Variants in EML6 observed in about 807,000 individuals in gnomAD.
EML6 encodes the protein EMAP like 6, also known as echinoderm microtubule-associated protein-like 6.
In EML6, 154 loss-of-function variants were observed where a neutral mutation model predicts 240.1. That is an observed-to-expected ratio of 0.64 (90% CI 0.56 to 0.73). The LOEUF is 0.73. Ranked by LOEUF, EML6 falls within the 30% of genes least tolerant of loss-of-function variation. The probability of loss-of-function intolerance (pLI) is 0.00; values close to 1 mark genes in which losing one functional copy is unlikely to be tolerated. For missense variants in EML6, 2,964 were observed against 2,474.6 expected, an observed-to-expected ratio of 1.20 and a Z score of -4.20; for synonymous variants, 1,148 against 899.0, an observed-to-expected ratio of 1.28 and a Z score of -4.95.
chr2:54,764,944 T>A (rs1269124687), intron 2 of EML6, among the ~76,000 whole-genome samples: 2 of 152,230 alleles, frequency 1.3e-5, no homozygotes, highest in African/African-American at 2.4e-5. Context: ...GGCATTTGAT[T>A]AGTGGGAGAT....
At position 54,797,164 on chromosome 2, in the gene EML6, C is replaced by CAAAAAAAAAAAAAAAAAAAAA. The variant is rs773498648; in HGVS notation, c.198-16063_198-16043dup. Among the ~76,000 whole-genome samples the CAAAAAAAAAAAAAAAAAAAAA allele has an allele frequency of 4.3e-4, 19 of 43,820 alleles. 2 individuals are homozygous for CAAAAAAAAAAAAAAAAAAAAA. Among genetic ancestry groups the CAAAAAAAAAAAAAAAAAAAAA allele is most frequent in the South Asian group, 2.3e-3 (2 of 876 alleles). 28.7% of individuals were successfully genotyped at this position (43,820 alleles called of 152,430 possible). On this transcript the variant is annotated intron_variant, in intron 2 of 41. Transcript: ENST00000356458. ...TGGGTGACAGAGCAAGACTCCATCT[C>CAAAAAAAAAAAAAAAAAAAAA]AAAAAAAAAAAAAAAAAAAAAAAAA...
At chr2:54,828,826 C>T (rs1266996595) in intron 6 of EML6, among the ~76,000 whole-genome samples, 1 of 152,178 alleles carries the variant, frequency 6.6e-6, no homozygotes, top group Non-Finnish European at 1.5e-5. Context: ...AATCTTCAAA[C>T]GATGCTTAAC....
At chr2:54,779,992 G>A (rs998444571) in intron 2 of EML6, among the ~76,000 whole-genome samples, 3 of 151,826 alleles carry the variant, frequency 2.0e-5, no homozygotes, top group Admixed American at 6.6e-5. Context: ...CAAATGATAC[G>A]GAAATGTACA....
chr2:54,929,716 TCCTCC>T lies in EML6; in HGVS notation c.4004+966_4004+970del, dbSNP rs765157691. On this transcript the variant is annotated intron_variant, in intron 28 of 41. Coordinates refer to ENST00000356458, the MANE Select transcript of EML6 (RefSeq NM_001039753.4). ...AACCTCCTCCTCCTCCTCCTCCTCC[TCCTCC>T]TCCTCCTGCTTAAATTCAGTGCCAG... 9.9e-5 allele frequency among the ~76,000 whole-genome samples: 15 copies of T among 151,898 alleles called. No homozygotes were observed. In the South Asian group the frequency reaches 2.1e-3, roughly 21 times the overall value.
chr2:54,812,124 C>T (rs979765813), intron 2 of EML6, among the ~76,000 whole-genome samples: 1 of 152,154 alleles, frequency 6.6e-6, no homozygotes. Context: ...AGTGTTCGCT[C>T]TGTACCGGGC....
At chr2:54,849,055 A>G (rs942329903) in intron 9 of EML6, among the ~76,000 whole-genome samples, 1 of 152,194 alleles carries the variant, frequency 6.6e-6, no homozygotes, top group Non-Finnish European at 1.5e-5. Context: ...CAATTTGACA[A>G]ACCCCAACTT....
intron 7 of EML6, among the ~76,000 whole-genome samples, chr2:54,835,008 G>A (rs900514628): frequency 2.0e-5 from 3 of 152,120 alleles, no homozygotes; most frequent in Admixed American, 6.6e-5. Context: ...ACCACCCTCC[G>A]CATTGCGCTG....
At chr2:54,843,933 A>G in intron 7 of EML6, 114 bp from the exon 8 acceptor site, 1 of 755,730 alleles carries the variant, frequency 1.3e-6, no homozygotes, top group Non-Finnish European at 2.2e-6. Flanking sequence ...ATTTGATGGT[A>G]TCCTGGTTAA....
intron 2 of EML6, among the ~76,000 whole-genome samples, chr2:54,790,704 A>G (rs909708775): frequency 4.6e-5 from 7 of 150,696 alleles, no homozygotes; most frequent in African/African-American, 1.7e-4. Context: ...TGTATAGAGG[A>G]CATTGGTAAC....
chr2:54,930,199 C>G (rs970514300), intron 28 of EML6, among the ~76,000 whole-genome samples: 1 of 152,156 alleles, frequency 6.6e-6, no homozygotes, highest in Non-Finnish European at 1.5e-5. Context: ...ATTTCTGTAA[C>G]TCATTCGTAC....
chr2:54,793,425 A>G (rs1669574670), intron 2 of EML6, among the ~76,000 whole-genome samples: 1 of 137,824 alleles, frequency 7.3e-6, no homozygotes, highest in Non-Finnish European at 1.5e-5. Context: ...TATCGTAACT[A>G]CTTTTGACAA....
At chr2:54,960,769 A>G (rs1246137418) in intron 35 of EML6, among the ~76,000 whole-genome samples, 2 of 152,158 alleles carry the variant, frequency 1.3e-5, no homozygotes, top group African/African-American at 4.8e-5. Context: ...GTCTGACTCA[A>G]AGCCATTGGT....
chr2:54,913,071 G>GTTTTTTTTTTT lies in EML6; in HGVS notation c.3498+2039_3498+2049dup, dbSNP rs1216432893. Among the ~76,000 whole-genome samples the GTTTTTTTTTTT allele has an allele frequency of 8.0e-5, 10 of 125,686 alleles. 1 individual carries two copies. Among genetic ancestry groups the GTTTTTTTTTTT allele is most frequent in the East Asian group, 2.3e-4 (1 of 4,272 alleles). The allele number at this position is 125,686 out of a possible 152,430, so 82.5% of individuals were successfully genotyped here. ...TTACTCTTCAGCCTTGCCAGATTCTGTTTTTTTTTTTTTTTTTTTTACTTT... is the reference window on the plus strand; with the variant it reads ...TTACTCTTCAGCCTTGCCAGATTCTGTTTTTTTTTTTTTTTTTTTTTTTTTTTTTTTACTTT... On this transcript the variant is annotated intron_variant, in intron 25 of 41. Coordinates refer to ENST00000356458, the MANE Select transcript of EML6 (RefSeq NM_001039753.4).
At chr2:54,830,832 A>G (rs1161973297) in intron 7 of EML6, among the ~76,000 whole-genome samples, 1 of 152,200 alleles carries the variant, frequency 6.6e-6, no homozygotes, top group African/African-American at 2.4e-5. Context: ...ATCTAAGTCA[A>G]CTAATCCAGG....
At chr2:54,820,833 C>T (rs1390918278) in intron 5 of EML6, among the ~76,000 whole-genome samples, 1 of 152,154 alleles carries the variant, frequency 6.6e-6, no homozygotes, top group Admixed American at 6.5e-5. Flanking sequence ...CATGTCAACA[C>T]TTTGACATGT....
At chr2:54,906,552 G>C (rs975414838) in intron 24 of EML6, among the ~76,000 whole-genome samples, 4 of 152,180 alleles carry the variant, frequency 2.6e-5, no homozygotes, top group African/African-American at 4.8e-5. Context: ...GAGAGGAGTG[G>C]AGTCAAAGGT....
rs370925004 is a variant in EML6, at chr2:54,930,238, A to C, written c.4004+1487A>C. Among the ~76,000 whole-genome samples the C allele has an allele frequency of 2.4e-3, 365 of 152,260 alleles. 1 individual carries two copies. The highest frequency in any genetic ancestry group is 6.0e-3 in the South Asian group (29 of 4,820). On this transcript the variant is annotated intron_variant, in intron 28 of 41. Coordinates refer to ENST00000356458, the MANE Select transcript of EML6 (RefSeq NM_001039753.4). ...ATGCTGAGATTCATGCTAGCCACCAAAATATAATCATTTAACCCAAGCTCC... is the reference window on the plus strand; with the variant it reads ...ATGCTGAGATTCATGCTAGCCACCACAATATAATCATTTAACCCAAGCTCC...
intron 2 of EML6, among the ~76,000 whole-genome samples, chr2:54,797,164 C>CA (rs773498648): frequency 0.058 from 2,547 of 43,674 alleles, 313 homozygotes; most frequent in African/African-American, 0.17. Context: ...GACTCCATCT[C>CA]AAAAAAAAAA....
intron 2 of EML6, among the ~76,000 whole-genome samples, chr2:54,798,330 G>A (rs143118640): frequency 0.016 from 2,383 of 152,142 alleles, 31 homozygotes; most frequent in Non-Finnish European, 0.026. Flanking sequence ...GCACCACCAT[G>A]CCTGGCTAAT....
Sources: gnomAD v4.1 joint callset for allele counts (sites outside exome capture counted in the v4.1 genomes callset) on GRCh38, gnomAD v4.1.1 for gene constraint, MANE v1.5 for transcripts, NCBI Gene and HGNC (gene_info 2026-07-23, HGNC 2026-07-21) for gene names.